USP25: variants seen among roughly 807,000 people sequenced by gnomAD.
USP25 encodes the protein ubiquitin specific peptidase 25.
USP25 carries 85 observed loss-of-function variants against 158.5 expected under a neutral mutation model. That is an observed-to-expected ratio of 0.54 (90% confidence interval 0.45 to 0.64). The LOEUF (loss-of-function observed/expected upper bound fraction) is 0.64, where lower values mean the gene tolerates loss of function less well. Ranked by LOEUF, USP25 falls within the 30% of genes least tolerant of loss-of-function variation. USP25 has a pLI of 0.00. For missense variants in USP25, 1,242 were observed against 1,327.3 expected (o/e 0.94, Z 1.00); for synonymous variants, 464 against 460.4 (o/e 1.01, Z -0.10).
intron 1 of USP25, 106 bp from the exon 2 acceptor site, chr21:15,762,785 A>T (rs1033497937): frequency 9.9e-7 from 1 of 1,006,078 alleles, no homozygotes; most frequent in East Asian, 2.5e-5. Flanking sequence ...AGTTTACTTT[A>T]TTCTGTTTTT....
At chr21:15,785,792 A>T (rs2035236519) in intron 4 of USP25, among the ~76,000 whole-genome samples, 1 of 152,178 alleles carries the variant, frequency 6.6e-6, no homozygotes, top group African/African-American at 2.4e-5. Flanking sequence ...AATTGGTAGG[A>T]TGGAAATAAT....
At chr21:15,829,298 C>T (rs1323757458) in intron 14 of USP25, among the ~76,000 whole-genome samples, 1 of 152,066 alleles carries the variant, frequency 6.6e-6, no homozygotes, top group Non-Finnish European at 1.5e-5. Flanking sequence ...TTTTTCCATC[C>T]TCACCCTGCT....
chr21:15,796,004 C>G (rs1289971873), intron 5 of USP25, among the ~76,000 whole-genome samples: 2 of 151,552 alleles, frequency 1.3e-5, no homozygotes, highest in Non-Finnish European at 3.0e-5. Context: ...ATTATTTGAA[C>G]TCTTATCCCC....
At chr21:15,850,648 TTC>T (rs370620423) in intron 20 of USP25, among the ~76,000 whole-genome samples, 2 of 152,044 alleles carry the variant, frequency 1.3e-5, no homozygotes, top group Middle Eastern at 3.2e-3. Flanking sequence ...ATGCATTTCT[TTC>T]TTTTTGACAT....
Position 15,833,548 on chromosome 21 carries a change from G to A in USP25, c.2194G>A (p.Ala732Thr). ...AGAGTCAGAGACTTCTGTGACAACA[G>A]GTTTGTCCATTTTTATTAAGTTGTG... ...LRESETSVTT[A>T]QAAGDPEYLE... The change falls in exon 17 of 26, where the codon GCA becomes ACA. Residue 732 changes from alanine (A) to threonine (T), a missense_variant and splice_region_variant. Physicochemically the swap from Ala to Thr is moderately conservative, Grantham distance 58 (BLOSUM62 0). Transcript: ENST00000400183. 6.2e-7 allele frequency: 1 copy of A among 1,609,980 alleles called. No homozygotes were observed. The highest frequency in any genetic ancestry group is 8.5e-7 in the Non-Finnish European group (1 of 1,178,310).
chr21:15,823,932 G>T (rs916011867), intron 10 of USP25, 107 bp from the exon 11 acceptor site: 9 of 1,129,452 alleles, frequency 8.0e-6, no homozygotes, highest in Non-Finnish European at 1.0e-5. Flanking sequence ...GGTCCGCATT[G>T]TGGTGATACA....
chr21:15,757,795 A>G (rs1479703014), intron 1 of USP25, among the ~76,000 whole-genome samples: 1 of 152,196 alleles, frequency 6.6e-6, no homozygotes, highest in African/African-American at 2.4e-5. Context: ...ACAAAAGGAA[A>G]TACATCATGT....
intron 12 of USP25, among the ~76,000 whole-genome samples, chr21:15,825,499 C>T (rs377611809): frequency 5.3e-5 from 8 of 152,074 alleles, no homozygotes; most frequent in Admixed American, 2.6e-4. Context: ...TGCCGGGAGC[C>T]TAGAGAGCAA....
chr21:15,730,530 C>T, intron 1 of USP25, 92 bp downstream of exon 1: 2 of 1,251,796 alleles, frequency 1.6e-6, no homozygotes, highest in Non-Finnish European at 2.0e-6. Flanking sequence ...CTCGCCGCCG[C>T]CGCCTTCCCG....
intron 11 of USP25, 50 bp from the exon 12 acceptor site, chr21:15,824,916 A>G (rs772500006): frequency 6.8e-7 from 1 of 1,470,024 alleles, no homozygotes; most frequent in Non-Finnish European, 9.5e-7. Context: ...GCCATATTGC[A>G]TCTACTTTCA....
At chr21:15,831,064 G>A (rs1028504827) in intron 15 of USP25, among the ~76,000 whole-genome samples, 7 of 152,010 alleles carry the variant, frequency 4.6e-5, no homozygotes, top group African/African-American at 1.7e-4. Context: ...TGAAGATGTA[G>A]ACACATTTGC....
At chr21:15,805,035 G>T in intron 6 of USP25, 86 bp from the exon 7 acceptor site, 1 of 1,362,604 alleles carries the variant, frequency 7.3e-7, no homozygotes, top group South Asian at 1.6e-5. Context: ...TTAATTTTTG[G>T]TTACTGTTAA....
At chr21:15,794,809 A>ATT (rs1433119643) in intron 5 of USP25, among the ~76,000 whole-genome samples, 2 of 151,538 alleles carry the variant, frequency 1.3e-5, no homozygotes, top group African/African-American at 4.8e-5. Context: ...GGTACTCTAT[A>ATT]TTATATATAT....
intron 1 of USP25, among the ~76,000 whole-genome samples, chr21:15,754,606 A>C (rs1019703747): frequency 6.6e-6 from 1 of 152,132 alleles, no homozygotes; most frequent in Non-Finnish European, 1.5e-5. Flanking sequence ...TATGAAGGAG[A>C]ATGGTGTTCT....
At chr21:15,865,565 G>T (rs76667149) in intron 21 of USP25, among the ~76,000 whole-genome samples, 13,147 of 152,210 alleles carry the variant, frequency 0.086, 585 homozygotes, top group East Asian at 0.091. Context: ...TTTGATACAT[G>T]CGACTGCAGA....
chr21:15,780,162 T>C (rs1373207080), intron 4 of USP25, among the ~76,000 whole-genome samples: 2 of 152,280 alleles, frequency 1.3e-5, no homozygotes, highest in East Asian at 3.9e-4. Flanking sequence ...GCAAATAAAA[T>C]TCCAGAATCA....
chr21:15,750,162 T>C (rs1161232697), intron 1 of USP25, among the ~76,000 whole-genome samples: 1 of 151,156 alleles, frequency 6.6e-6, no homozygotes, highest in Non-Finnish European at 1.5e-5. Context: ...CAATTATACT[T>C]TAATGAAATC....
intron 9 of USP25, among the ~76,000 whole-genome samples, chr21:15,813,037 C>T (rs1336993467): frequency 6.6e-6 from 1 of 151,554 alleles, no homozygotes; most frequent in Non-Finnish European, 1.5e-5. Context: ...TCTGGCACCC[C>T]CTCCCTGTTC....
rs9967963 is a variant in USP25 at position 15,879,153 on chromosome 21, G to A, written c.*678G>A. On this transcript the variant is annotated 3_prime_UTR_variant, in exon 26 of 26. Transcript: ENST00000400183. ...TGAATTCAGTCAGGTTTTTACTCAA[G>A]TAAGTGGTTGATTTTTTTTAAGTCA... 1.2e-4 allele frequency: 19 copies of A among 152,442 alleles called. No individual in the cohort carries two copies. The highest frequency in any genetic ancestry group is 4.6e-4 in the African/African-American group (19 of 41,400). 9.4% of individuals were successfully genotyped at this position (152,442 alleles called of 1,614,324 possible).
Sources: gnomAD v4.1 joint callset for allele counts (sites outside exome capture counted in the v4.1 genomes callset) on GRCh38, gnomAD v4.1.1 for gene constraint, MANE v1.5 for transcripts, NCBI Gene and HGNC (gene_info 2026-07-23, HGNC 2026-07-21) for gene names.